Variants in ATP8B4 observed in about 807,000 individuals in gnomAD.
ATP8B4 encodes the protein probable phospholipid-transporting ATPase IM.
In ATP8B4, 133 loss-of-function variants were observed where a neutral mutation model predicts 145.6. That is an observed-to-expected ratio of 0.91 (90% CI 0.79 to 1.05). The LOEUF (loss-of-function observed/expected upper bound fraction) is 1.05, where lower values mean the gene tolerates loss of function less well. ATP8B4 is among the 50% of genes least tolerant of loss of function. The probability of loss-of-function intolerance (pLI) is 0.00; values close to 1 mark genes in which losing one functional copy is unlikely to be tolerated. For missense variants in ATP8B4, 1,458 were observed against 1,425.2 expected, an observed-to-expected ratio of 1.02 and a Z score of -0.37; for synonymous variants, 507 against 492.9, an observed-to-expected ratio of 1.03 and a Z score of -0.38.
intron 25 of ATP8B4, among the ~76,000 whole-genome samples, chr15:49,869,379 G>A (rs543249470): frequency 2.0e-5 from 3 of 151,910 alleles, no homozygotes; most frequent in Admixed American, 6.5e-5. Context: ...TATCAAGGAA[G>A]ACTAATAGAA....
At chr15:50,009,337 G>A (rs2048548221) in intron 7 of ATP8B4, 1 of 154,002 alleles carries the variant, frequency 6.5e-6, no homozygotes, top group African/African-American at 2.4e-5. Flanking sequence ...TTTACCAAAT[G>A]CCCCTGTTGA....
chr15:50,021,458 A>G (rs960577464), intron 6 of ATP8B4, among the ~76,000 whole-genome samples: 1 of 152,076 alleles, frequency 6.6e-6, no homozygotes, highest in Non-Finnish European at 1.5e-5. Flanking sequence ...CTTTATCACA[A>G]TACTCTAGCC....
intron 8 of ATP8B4, 146 bp downstream of exon 8, chr15:50,002,007 A>T (rs2047930520): frequency 3.4e-6 from 2 of 585,426 alleles, no homozygotes; most frequent in Non-Finnish European, 2.9e-6. Context: ...TTTCAAAATT[A>T]CTGTAGAGTA....
At chr15:49,980,796 T>C (rs1376040631) in intron 11 of ATP8B4, among the ~76,000 whole-genome samples, 38 of 152,214 alleles carry the variant, frequency 2.5e-4, no homozygotes, top group Admixed American at 2.5e-3. Context: ...CATAAGGCCC[T>C]CTGAGTGTGG....
chr15:50,176,041 G>C (rs1447540127), intron 1 of ATP8B4, among the ~76,000 whole-genome samples: 3 of 150,516 alleles, frequency 2.0e-5, no homozygotes, highest in Non-Finnish European at 2.9e-5. Flanking sequence ...AGTATAGAGA[G>C]AGTGTATATA....
At chr15:49,935,795 T>G (rs2041686480) in intron 14 of ATP8B4, among the ~76,000 whole-genome samples, 1 of 151,960 alleles carries the variant, frequency 6.6e-6, no homozygotes, top group Admixed American at 6.6e-5. Flanking sequence ...TCATTTACTT[T>G]ACTTCTCCAC....
At chr15:50,043,653 A>G (rs2051481909) in intron 5 of ATP8B4, among the ~76,000 whole-genome samples, 1 of 152,174 alleles carries the variant, frequency 6.6e-6, no homozygotes, top group Admixed American at 6.5e-5. Flanking sequence ...AGCTTACTTT[A>G]TTATAAGAAT....
intron 23 of ATP8B4, among the ~76,000 whole-genome samples, chr15:49,891,187 A>C (rs2036751188): frequency 1.3e-5 from 2 of 151,842 alleles, no homozygotes; most frequent in Non-Finnish European, 2.9e-5. Context: ...ATCTCCACTT[A>C]ATTTTTAAAA....
intron 1 of ATP8B4, among the ~76,000 whole-genome samples, chr15:50,129,295 C>T (rs900210744): frequency 6.6e-6 from 1 of 152,098 alleles, no homozygotes; most frequent in Admixed American, 6.5e-5. Context: ...ACAAGGGAAA[C>T]TGATTCTCTC....
At chr15:50,069,189 G>T (rs2053570931) in intron 3 of ATP8B4, among the ~76,000 whole-genome samples, 1 of 152,132 alleles carries the variant, frequency 6.6e-6, no homozygotes, top group Non-Finnish European at 1.5e-5. Context: ...CATTTTGGCA[G>T]TCTAAATCCC....
At chr15:50,063,370 A>C (rs1302480697) in intron 3 of ATP8B4, among the ~76,000 whole-genome samples, 5 of 152,118 alleles carry the variant, frequency 3.3e-5, no homozygotes, top group Non-Finnish European at 7.4e-5. Flanking sequence ...CTTTAAAAAA[A>C]AAAATGCCTG....
chr15:49,946,757 A>G (rs973655469), intron 14 of ATP8B4, among the ~76,000 whole-genome samples: 1 of 152,130 alleles, frequency 6.6e-6, no homozygotes, highest in Non-Finnish European at 1.5e-5. Context: ...GGTGTATTGA[A>G]TTTACATCTT....
At chr15:49,945,988 AG>A (rs1243903067) in intron 14 of ATP8B4, among the ~76,000 whole-genome samples, 3 of 152,232 alleles carry the variant, frequency 2.0e-5, no homozygotes, top group Non-Finnish European at 4.4e-5. Flanking sequence ...TAATACTAGT[AG>A]TCCTAGCCAG....
At chr15:49,944,894 AT>A (rs959529754) in intron 14 of ATP8B4, among the ~76,000 whole-genome samples, 1 of 152,192 alleles carries the variant, frequency 6.6e-6, no homozygotes, top group Non-Finnish European at 1.5e-5. Flanking sequence ...GAAACTAGAA[AT>A]CAATAGCAAA....
Position 49,972,725 on chromosome 15 carries a change from C to T in ATP8B4, c.1100G>A (p.Arg367Gln), listed in dbSNP as rs745355532. ...INWDRKMYYS[R>Q]KAIPAVARTT... ...TCGAGCCACTGCAGGTATTGCTTTT[C>T]GAGAATAATACATCTTCCGGTCCCA... Residue 367 changes from arginine (R) to glutamine (Q), a missense_variant, in exon 13 of 28, where the codon CGA becomes CAA. Transcript: ENST00000284509. The T allele has an allele frequency of 5.0e-6, 8 of 1,613,882 alleles. No homozygotes were observed. The highest frequency in any genetic ancestry group is 1.1e-5 in the South Asian group (1 of 91,056).
At chr15:50,133,550 G>A (rs368820866) in intron 1 of ATP8B4, among the ~76,000 whole-genome samples, 2 of 151,950 alleles carry the variant, frequency 1.3e-5, no homozygotes, top group Admixed American at 6.6e-5. Context: ...CCATGATCAC[G>A]CCACTGCATT....
intron 3 of ATP8B4, among the ~76,000 whole-genome samples, chr15:50,048,577 G>T (rs1422428357): frequency 6.6e-6 from 1 of 151,860 alleles, no homozygotes; most frequent in African/African-American, 2.4e-5. Flanking sequence ...GCATGGTGGT[G>T]CACGCCTGTA....
intron 23 of ATP8B4, among the ~76,000 whole-genome samples, chr15:49,884,976 G>A (rs756583369): frequency 6.6e-6 from 1 of 152,084 alleles, no homozygotes; most frequent in East Asian, 1.9e-4. Flanking sequence ...AACATCCCTG[G>A]TACCAAAAAG....
At chr15:50,000,643 G>A (rs2047811307) in intron 8 of ATP8B4, among the ~76,000 whole-genome samples, 1 of 152,016 alleles carries the variant, frequency 6.6e-6, no homozygotes, top group Non-Finnish European at 1.5e-5. Context: ...TTTTCTTCCA[G>A]TCTGTAACTT....
Sources: allele counts gnomAD v4.1 joint callset (sites outside exome capture counted in the v4.1 genomes callset), GRCh38; gene constraint gnomAD v4.1.1; transcripts MANE v1.5; gene names NCBI Gene and HGNC (gene_info 2026-07-23, HGNC 2026-07-21).